The following EML4 variants were observed in gnomAD, a reference collection of about 807,000 sequenced individuals.
EML4 encodes the protein EMAP like 4, also known as echinoderm microtubule-associated protein-like 4.
A neutral mutation model predicts 129.0 loss-of-function variants in EML4; 72 were observed. The observed-to-expected ratio is 0.56, with a 90% CI of 0.46 to 0.68. The LOEUF (loss-of-function observed/expected upper bound fraction) is 0.68. Among genes scored for constraint, EML4 ranks in the 30% least tolerant of loss-of-function variants. The pLI is 0.00. For synonymous variants in EML4, 532 were observed against 405.0 expected, an observed-to-expected ratio of 1.31 and a Z score of -3.77; for missense variants, 1,363 against 1,190.6, an observed-to-expected ratio of 1.14 and a Z score of -2.13.
At chr2:42,266,717 G>A (rs551162933) in intron 6 of EML4, among the ~76,000 whole-genome samples, 1 of 151,720 alleles carries the variant, frequency 6.6e-6, no homozygotes, top group African/African-American at 2.4e-5. Flanking sequence ...GGGAATAACT[G>A]TGTTTAGTGG....
At chr2:42,179,624 A>G (rs1462643129) in intron 1 of EML4, among the ~76,000 whole-genome samples, 2 of 152,104 alleles carry the variant, frequency 1.3e-5, no homozygotes, top group African/African-American at 4.8e-5. Context: ...TTGTTTTGAG[A>G]TGGGGTCTCG....
chr2:42,280,744 AAGT>A, intron 6 of EML4, 103 bp from the exon 7 acceptor site: 1 of 813,232 alleles, frequency 1.2e-6, no homozygotes, highest in South Asian at 2.0e-5. Flanking sequence ...TAAAACTTTG[AAGT>A]AGTCATTTTT....
At chr2:42,193,178 A>T (rs1210257355) in intron 1 of EML4, among the ~76,000 whole-genome samples, 1 of 152,210 alleles carries the variant, frequency 6.6e-6, no homozygotes, top group Non-Finnish European at 1.5e-5. Flanking sequence ...TACAGTATTC[A>T]GTGCAGTAGT....
Position 42,331,523 on chromosome 2 carries a change from TTTG to T in EML4, c.*1319_*1321del, listed in dbSNP as rs1263919785. ...TTATACTTTGATTATAAAAAAGTATTTTGTTTTGATTTTTTAACTTGCTGCATT... is the reference window on the plus strand; with the variant it reads ...TTATACTTTGATTATAAAAAAGTATTTTTTGATTTTTTAACTTGCTGCATT... On this transcript the variant is annotated 3_prime_UTR_variant, in exon 23 of 23. Coordinates refer to ENST00000318522, the MANE Select transcript of EML4 (RefSeq NM_019063.5). 9 of 223,554 alleles carry T rather than the reference TTTG, an allele frequency of 4.0e-5. No individual in the cohort carries two copies. Among genetic ancestry groups the T allele is most frequent in the African/African-American group, 1.8e-4 (8 of 44,790 alleles). 13.8% of individuals were successfully genotyped at this position (223,554 alleles called of 1,614,324 possible).
In EML4 at chr2:42,329,738, C is replaced by G; in HGVS notation, c.2477C>G (p.Pro826Arg). 6.2e-7 allele frequency: 1 copy of G among 1,612,120 alleles called. No homozygotes were observed. The highest frequency in any genetic ancestry group is 8.5e-7 in the Non-Finnish European group (1 of 1,178,418). Residue 826 changes from proline to arginine, a missense_variant, in exon 23 of 23, where the codon CCC (proline) becomes CGC (arginine). Pro to Arg is a moderately radical substitution (Grantham distance 103, BLOSUM62 -2). Coordinates refer to ENST00000318522, the MANE Select transcript of EML4 (RefSeq NM_019063.5). ...FQYPCSKAKA[P>R]SHKYSAHSSH... ...TGTCTGATTTATTTCATATAGGCTC[C>G]CAGTCACAAGTACAGTGCCCACAGC...
intron 3 of EML4, 45 bp downstream of exon 3, chr2:42,256,675 C>G (rs1023783425): frequency 3.7e-6 from 6 of 1,606,696 alleles, no homozygotes; most frequent in Non-Finnish European, 4.3e-6. Context: ...GCAGAATTGT[C>G]TGAATGTGGT....
intron 1 of EML4, among the ~76,000 whole-genome samples, chr2:42,239,544 G>A (rs1674883804): frequency 6.6e-6 from 1 of 152,180 alleles, no homozygotes; most frequent in African/African-American, 2.4e-5. Flanking sequence ...CAGACTGATA[G>A]TGAGAGGTTT....
Position 42,307,800 on chromosome 2 carries a change from G to A in EML4, c.1967+3249G>A, listed in dbSNP as rs184874691. Among the ~76,000 whole-genome samples the A allele has an allele frequency of 3.1e-4, 47 of 152,170 alleles. No individual in the cohort carries two copies. The East Asian group carries it at 4.3e-3, about 14-fold the overall frequency. On this transcript the variant is annotated intron_variant, in intron 17 of 22. Transcript: ENST00000318522. ...CTCCTGAGTAGCTGGGATTACAGGC[G>A]CCCACCACCATACCCAGCTAATTTT... is the stretch of plus-strand genomic sequence containing the variant.
chr2:42,234,176 C>G (rs1170994924), intron 1 of EML4, among the ~76,000 whole-genome samples: 5 of 152,158 alleles, frequency 3.3e-5, no homozygotes, highest in Non-Finnish European at 4.4e-5. Context: ...TTCTTTAGTT[C>G]AGAGAGCAAA....
At chr2:42,320,315 C>G (rs1011621365) in intron 19 of EML4, among the ~76,000 whole-genome samples, 2 of 149,580 alleles carry the variant, frequency 1.3e-5, no homozygotes, top group African/African-American at 2.5e-5. Context: ...TAACCAAGAC[C>G]CTGTCTGTAT....
chr2:42,281,014 C>G, intron 7 of EML4, 41 bp downstream of exon 7: 4 of 1,478,258 alleles, frequency 2.7e-6, no homozygotes, highest in Non-Finnish European at 3.6e-6. Context: ...TTTGCTTTGT[C>G]TCTAGTTAAC....
At chr2:42,221,714 C>T (rs1229481346) in intron 1 of EML4, among the ~76,000 whole-genome samples, 1 of 152,004 alleles carries the variant, frequency 6.6e-6, no homozygotes, top group Non-Finnish European at 1.5e-5. Flanking sequence ...AGGGATTCTC[C>T]TGCCTCAGCC....
chr2:42,329,913 C>A lies in EML4; in HGVS notation c.2652C>A (p.Ala884=). The A allele has an allele frequency of 6.2e-7, 1 of 1,613,970 alleles. No homozygotes were observed. The highest frequency in any genetic ancestry group is 1.1e-5 in the South Asian group (1 of 91,060). Residue 884 remains alanine (A), a synonymous_variant, in exon 23 of 23, where the codon GCC becomes GCA. Coordinates refer to ENST00000318522, the MANE Select transcript of EML4 (RefSeq NM_019063.5). ...ETVADTTLTK[A]PVSSTESVIQ... ...TAGCGGATACTACTCTAACCAAAGCCCCCGTCTCTTCCACTGAAAGTGTCA... is the reference window on the plus strand; with the variant it reads ...TAGCGGATACTACTCTAACCAAAGCACCCGTCTCTTCCACTGAAAGTGTCA...
chr2:42,235,104 T>G (rs897131148), intron 1 of EML4, among the ~76,000 whole-genome samples: 3 of 152,154 alleles, frequency 2.0e-5, no homozygotes, highest in South Asian at 2.1e-4. Flanking sequence ...GAGACAAGCC[T>G]GGCCAACATG....
intron 1 of EML4, among the ~76,000 whole-genome samples, chr2:42,171,485 A>G (rs941966558): frequency 2.6e-5 from 4 of 152,230 alleles, no homozygotes; most frequent in Non-Finnish European, 4.4e-5. Context: ...GCTTTGTAAT[A>G]GCTTTCTTCT....
intron 5 of EML4, 119 bp downstream of exon 5, chr2:42,263,425 T>G (rs1665859619): frequency 2.8e-6 from 2 of 725,212 alleles, no homozygotes; most frequent in Non-Finnish European, 3.8e-6. Flanking sequence ...TTTTTTTTTG[T>G]GACAGAGTCT....
rs1373281068 is a variant in EML4 at position 42,282,785 on chromosome 2, CTG to C, written c.792-34_792-33del. The C allele has an allele frequency of 6.3e-6, 10 of 1,580,568 alleles. No homozygotes were observed. The East Asian group carries it at 6.7e-5, about 11-fold the overall frequency. Reference sequence around the variant, plus strand: ...GAAAAATCTGTTAACAACTTGAAAACTGTGTTTATTTAAAACCTTGACTCTTT... The same window carrying C: ...GAAAAATCTGTTAACAACTTGAAAACTGTTTATTTAAAACCTTGACTCTTT... On this transcript the variant is annotated intron_variant, in intron 7 of 22. Transcript: ENST00000318522.
At chr2:42,328,858 T>A (rs1384907175) in intron 21 of EML4, 28 bp from the exon 22 acceptor site, 8 of 1,560,032 alleles carry the variant, frequency 5.1e-6, no homozygotes, top group Non-Finnish European at 7.0e-6. Flanking sequence ...AGCTAATTTT[T>A]CTGCATCCCT....
At chr2:42,264,860 G>A in intron 6 of EML4, 129 bp downstream of exon 6, 1 of 1,510,804 alleles carries the variant, frequency 6.6e-7, no homozygotes, top group Admixed American at 2.0e-5. Flanking sequence ...CGTTACTGTA[G>A]TCATTTAGGA....
Sources: allele counts gnomAD v4.1 joint callset (sites outside exome capture counted in the v4.1 genomes callset), GRCh38; gene constraint gnomAD v4.1.1; transcripts MANE v1.5; gene names NCBI Gene and HGNC (gene_info 2026-07-23, HGNC 2026-07-21).